The following ZPBP variants were observed in gnomAD, a reference collection of about 807,000 sequenced individuals.
ZPBP encodes the protein zona pellucida binding protein.
A neutral mutation model predicts 44.8 loss-of-function variants in ZPBP; 26 were observed. The observed-to-expected ratio is 0.58, with a 90% CI of 0.43 to 0.81. The LOEUF is 0.81. Ranked by LOEUF, ZPBP falls within the 30% of genes least tolerant of loss-of-function variation. The pLI is 0.00. For missense variants in ZPBP, 409 were observed against 434.0 expected (o/e 0.94, Z 0.51); for synonymous variants, 174 against 153.2 (o/e 1.14, Z -1.00).
At chr7:49,867,079 T>C (rs951988952) in intron 2 of ZPBP, among the ~76,000 whole-genome samples, 1 of 152,128 alleles carries the variant, frequency 6.6e-6, no homozygotes, top group Non-Finnish European at 1.5e-5. Context: ...GCTCAAGAAA[T>C]GTAAATAGCC....
chr7:50,031,843 C>CACAT (rs1554376813), intron 4 of ZPBP, among the ~76,000 whole-genome samples: 2 of 150,730 alleles, frequency 1.3e-5, no homozygotes, highest in African/African-American at 4.9e-5. Flanking sequence ...CACACACACA[C>CACAT]ATATATATAT....
chr7:49,911,619 G>A (rs941564469), intron 1 of ZPBP, among the ~76,000 whole-genome samples: 34 of 151,898 alleles, frequency 2.2e-4, no homozygotes, highest in East Asian at 3.9e-4. Context: ...ACCATTGGCC[G>A]GGTGCAGTGG....
intron 6 of ZPBP, among the ~76,000 whole-genome samples, chr7:50,002,460 G>A (rs1441027941): frequency 2.6e-5 from 4 of 152,010 alleles, no homozygotes; most frequent in African/African-American, 4.8e-5. Context: ...GGGCTCTAGC[G>A]ACTCATCTGC....
chr7:49,961,430 G>T (rs1395659909), intron 7 of ZPBP, among the ~76,000 whole-genome samples: 1 of 152,046 alleles, frequency 6.6e-6, no homozygotes, highest in Non-Finnish European at 1.5e-5. Flanking sequence ...ATGACACAAA[G>T]CATATCAAAG....
intron 2 of ZPBP, among the ~76,000 whole-genome samples, chr7:49,883,077 A>T (rs1475515148): frequency 2.0e-5 from 3 of 152,078 alleles, no homozygotes; most frequent in Non-Finnish European, 4.4e-5. Context: ...AGAGAAGCCA[A>T]GACCAGATGA....
intron 3 of ZPBP, among the ~76,000 whole-genome samples, chr7:50,068,768 G>A (rs1801672690): frequency 6.6e-6 from 1 of 152,086 alleles, no homozygotes; most frequent in African/African-American, 2.4e-5. Flanking sequence ...GTATCTCCTT[G>A]GTCCTGCCTT....
chr7:49,958,659 A>G (rs1004902962), intron 7 of ZPBP, among the ~76,000 whole-genome samples: 1 of 152,200 alleles, frequency 6.6e-6, no homozygotes, highest in Non-Finnish European at 1.5e-5. Context: ...TTCATGACAA[A>G]TTATGGAGTC....
At chr7:49,982,171 ATAT>A (rs1797017362) in intron 7 of ZPBP, among the ~76,000 whole-genome samples, 1 of 4,014 alleles carries the variant, frequency 2.5e-4, no homozygotes, top group Non-Finnish European at 4.8e-4. Flanking sequence ...TATATATTAT[ATAT>A]ATATAATTTA....
At position 50,022,285 on chromosome 7, in the gene ZPBP, T is replaced by C. The variant is rs531168108; in HGVS notation, c.707-3969A>G. On this transcript the variant is annotated intron_variant, in intron 5 of 7. Coordinates refer to ENST00000046087, the MANE Select transcript of ZPBP (RefSeq NM_007009.3). ...TCAGTATTCTTTTTTCACTCATCTT[T>C]TTTATATGATAATAATGACAAATGA... Among the ~76,000 whole-genome samples the C allele has an allele frequency of 2.0e-5, 3 of 152,262 alleles. No individual in the cohort carries two copies. In the East Asian group the frequency reaches 5.8e-4, roughly 29 times the overall value.
chr7:50,005,368 T>A (rs752372657), intron 6 of ZPBP, among the ~76,000 whole-genome samples: 1 of 152,002 alleles, frequency 6.6e-6, no homozygotes, highest in African/African-American at 2.4e-5. Flanking sequence ...AAACCCTGCA[T>A]TGTTGTAATT....
intron 5 of ZPBP, among the ~76,000 whole-genome samples, chr7:50,029,049 C>T (rs1799472480): frequency 1.3e-5 from 2 of 152,012 alleles, no homozygotes; most frequent in African/African-American, 4.8e-5. Context: ...AAAGGAAGAA[C>T]AAAATTGGAG....
chr7:49,938,208 T>A (rs1234814230), intron 7 of ZPBP, among the ~76,000 whole-genome samples: 2 of 152,166 alleles, frequency 1.3e-5, no homozygotes, highest in African/African-American at 4.8e-5. Flanking sequence ...CACATGGCCA[T>A]AACTGTGTAT....
chr7:49,871,144 A>T (rs1228898949), intron 2 of ZPBP, among the ~76,000 whole-genome samples: 1 of 152,238 alleles, frequency 6.6e-6, no homozygotes, highest in East Asian at 1.9e-4. Context: ...ATAAAGGAAT[A>T]AGATATCAAT....
chr7:49,902,288 A>C (rs1025749735), intron 1 of ZPBP, among the ~76,000 whole-genome samples: 1 of 152,026 alleles, frequency 6.6e-6, no homozygotes, highest in African/African-American at 2.4e-5. Flanking sequence ...AAGACATAAA[A>C]AAAACTGTTG....
chr7:50,029,780 G>C (rs1200461917), intron 5 of ZPBP, among the ~76,000 whole-genome samples: 5 of 152,114 alleles, frequency 3.3e-5, no homozygotes, highest in African/African-American at 9.7e-5. Flanking sequence ...TATTTCTATT[G>C]GAAATAATCT....
intron 7 of ZPBP, among the ~76,000 whole-genome samples, chr7:49,946,277 G>GT (rs996773121): frequency 2.0e-5 from 3 of 151,766 alleles, no homozygotes; most frequent in East Asian, 1.9e-4. Context: ...AATATTCTGT[G>GT]TTTTTTTGTG....
At chr7:50,044,172 G>A (rs1317178024) in intron 4 of ZPBP, among the ~76,000 whole-genome samples, 3 of 152,172 alleles carry the variant, frequency 2.0e-5, no homozygotes, top group East Asian at 3.9e-4. Flanking sequence ...GCAGTGTTTA[G>A]AGGGAAATTT....
At chr7:49,937,350 T>C, downstream of ZPBP, 1 of 565,720 alleles carries the variant, frequency 1.8e-6, no homozygotes, top group Non-Finnish European at 3.1e-6. Flanking sequence ...TTGGCATTAA[T>C]GGATAAAGAC....
intron 2 of ZPBP, among the ~76,000 whole-genome samples, chr7:49,859,825 C>G (rs1370858929): frequency 1.3e-5 from 2 of 150,746 alleles, no homozygotes; most frequent in Non-Finnish European, 2.9e-5. Context: ...CACACACACA[C>G]TCACTCTGCT....
Sources: gnomAD v4.1 joint callset for allele counts (sites outside exome capture counted in the v4.1 genomes callset) on GRCh38, gnomAD v4.1.1 for gene constraint, MANE v1.5 for transcripts, NCBI Gene and HGNC (gene_info 2026-07-23, HGNC 2026-07-21) for gene names.